The following ABLIM2 variants were observed in gnomAD, a reference collection of about 807,000 sequenced individuals.
ABLIM2 encodes actin-binding LIM protein 2.
In ABLIM2, 53 loss-of-function variants were observed where a neutral mutation model predicts 97.7. The observed-to-expected ratio is 0.54, with a 90% confidence interval of 0.44 to 0.68. ABLIM2 has a LOEUF of 0.68. Ranked by LOEUF, ABLIM2 falls within the 30% of genes least tolerant of loss-of-function variation. The pLI, the probability that ABLIM2 is intolerant of heterozygous loss-of-function variation, is 0.00. For missense variants in ABLIM2, 835 were observed against 867.2 expected, an observed-to-expected ratio of 0.96 and a Z score of 0.47; for synonymous variants, 361 against 345.8, an observed-to-expected ratio of 1.04 and a Z score of -0.49.
At chr4:7,980,149 C>T (rs553181382) in intron 20 of ABLIM2, among the ~76,000 whole-genome samples, 3 of 152,260 alleles carry the variant, frequency 2.0e-5, no homozygotes, top group East Asian at 1.9e-4. Flanking sequence ...TGAACCCCCC[C>T]TCTCTGCCAA....
Position 8,003,896 on chromosome 4 carries a change from C to T in ABLIM2, c.1618+4163G>A, listed in dbSNP as rs1283434002. Among the ~76,000 whole-genome samples the T allele has an allele frequency of 6.6e-6, 1 of 152,086 alleles. No homozygotes were observed. The highest frequency in any genetic ancestry group is 1.5e-5 in the Non-Finnish European group (1 of 68,020). On this transcript the variant is annotated intron_variant, in intron 16 of 20. Transcript: ENST00000447017. This position sits in a 1 kb window ranked among gnomAD's most constrained non-coding sequence, Gnocchi z 4.2. ...TTCCAGTTCTGATGTCTGCATATTC[C>T]ATACCTAGGGGGTCTCACGTCTCTA...
At chr4:8,106,687 CA>C in intron 1 of ABLIM2, 50 bp from the exon 2 acceptor site, 1 of 1,549,706 alleles carries the variant, frequency 6.5e-7, no homozygotes, top group East Asian at 2.3e-5. Flanking sequence ...GTGTGAGGCA[CA>C]AAGGTGAGCA....
At chr4:8,051,562 C>CAAAAAAAAAAA (rs36056609) in intron 8 of ABLIM2, among the ~76,000 whole-genome samples, 1 of 107,886 alleles carries the variant, frequency 9.3e-6, no homozygotes, top group Non-Finnish European at 1.8e-5. Context: ...GATTCCATCT[C>CAAAAAAAAAAA]AAAAAAAAAA....
In ABLIM2 at chr4:8,075,445, C is replaced by T. The variant is rs1815389894; in HGVS notation, c.675+2183G>A. Among the ~76,000 whole-genome samples, 1 of 152,152 alleles carries T rather than the reference C, an allele frequency of 6.6e-6. No homozygotes were observed. The highest frequency in any genetic ancestry group is 1.9e-4 in the East Asian group (1 of 5,186). On this transcript the variant is annotated intron_variant, in intron 6 of 20. Coordinates refer to ENST00000447017, the MANE Select transcript of ABLIM2 (RefSeq NM_001130083.2). The surrounding 1 kb of genome is among the most constrained non-coding windows in gnomAD (Gnocchi z 4.4). ...TGGTGACTCACACCTGTAATCCCAGCACTTTGGGCGGTGAAGGCAGGTGAA... is the reference window on the plus strand; with the variant it reads ...TGGTGACTCACACCTGTAATCCCAGTACTTTGGGCGGTGAAGGCAGGTGAA...
rs1810675775 is a variant in ABLIM2, at chr4:8,069,929, T to C, written c.675+7699A>G. On this transcript the variant is annotated intron_variant, in intron 6 of 20. Transcript: ENST00000447017. This position sits in a 1 kb window ranked among gnomAD's most constrained non-coding sequence, Gnocchi z 4.2. ...TGTGTGTCATGTGTTTCTTTCTGTG[T>C]GTTTATTTCCATGTGTGTTGTTTGT... Among the ~76,000 whole-genome samples the C allele has an allele frequency of 6.6e-6, 1 of 152,010 alleles. No individual in the cohort carries two copies. The highest frequency in any genetic ancestry group is 1.5e-5 in the Non-Finnish European group (1 of 67,992).
In ABLIM2 at chr4:8,029,659, G is replaced by T. The variant is rs1779621558; in HGVS notation, c.1165C>A (p.Pro389Thr). The change falls in exon 11 of 21, where the codon CCA becomes ACA. Residue 389 changes from proline to threonine, a missense_variant. Coordinates refer to ENST00000447017, the MANE Select transcript of ABLIM2 (RefSeq NM_001130083.2). ...TSRSPQHYSR[P>T]AGTVSVGTSS... The stretch of plus-strand genomic sequence containing the variant: ...GAGGAACCAGGGGGCCAAGTACCTG[G>T]ACGGCTGTAGTGCTGTGGTGACCGT... 2 of 1,537,100 alleles carry T rather than the reference G, an allele frequency of 1.3e-6. No individual in the cohort carries two copies. Among genetic ancestry groups the T allele is most frequent in the Non-Finnish European group, 8.8e-7 (1 of 1,137,526 alleles).
At chr4:8,030,100 C>A (rs1373433791) in intron 10 of ABLIM2, among the ~76,000 whole-genome samples, 1 of 152,176 alleles carries the variant, frequency 6.6e-6, no homozygotes, top group African/African-American at 2.4e-5. Context: ...CCTGCCTGAC[C>A]CTCGCCAGCG....
At chr4:8,078,901 C>A (rs553943910) in intron 5 of ABLIM2, among the ~76,000 whole-genome samples, 7 of 152,262 alleles carry the variant, frequency 4.6e-5, no homozygotes, top group Non-Finnish European at 8.8e-5. Flanking sequence ...CACTCCAATG[C>A]GCCCCTTCCA....
intron 7 of ABLIM2, among the ~76,000 whole-genome samples, chr4:8,057,462 T>C (rs998945560): frequency 6.6e-6 from 1 of 152,250 alleles, no homozygotes; most frequent in Non-Finnish European, 1.5e-5. Context: ...AACTGGCACA[T>C]ACTTCCTAGA....
chr4:8,077,496 G>A, intron 6 of ABLIM2, 132 bp downstream of exon 6: 3 of 885,064 alleles, frequency 3.4e-6, no homozygotes, highest in Non-Finnish European at 5.2e-6. Context: ...TGGCTGAGCT[G>A]GCAGGAATAG....
At chr4:8,089,877 C>T (rs541369470) in intron 3 of ABLIM2, among the ~76,000 whole-genome samples, 18 of 152,214 alleles carry the variant, frequency 1.2e-4, no homozygotes, top group Non-Finnish European at 2.2e-4. Flanking sequence ...TAGGGGGCCA[C>T]GCTTGGTCTA....
chr4:8,137,570 G>A (rs967781778), intron 1 of ABLIM2, among the ~76,000 whole-genome samples: 15 of 152,292 alleles, frequency 9.8e-5, no homozygotes, highest in Admixed American at 2.6e-4. Context: ...CAGCCTGGCC[G>A]GGCACAGGCG....
In ABLIM2 at chr4:8,033,867, G is replaced by C. The variant is rs997725479; in HGVS notation, c.1047+2282C>G. Among the ~76,000 whole-genome samples the C allele has an allele frequency of 2.0e-5, 3 of 152,186 alleles. No homozygotes were observed. The highest frequency in any genetic ancestry group is 2.0e-4 in the Admixed American group (3 of 15,286). ...GTCATACCATGAGACCCTGGAGCAG[G>C]ACAGGGAGAGATACCAGCCCACCCC... On this transcript the variant is annotated intron_variant, in intron 10 of 20. Transcript: ENST00000447017. The surrounding 1 kb of genome is among the most constrained non-coding windows in gnomAD (Gnocchi z 4.5).
rs1815323414 is a variant in ABLIM2 at position 8,075,319 on chromosome 4, G to A, written c.675+2309C>T. Among the ~76,000 whole-genome samples the A allele has an allele frequency of 6.6e-6, 1 of 152,156 alleles. No homozygotes were observed. Among genetic ancestry groups the A allele is most frequent in the African/African-American group, 2.4e-5 (1 of 41,432 alleles). On this transcript the variant is annotated intron_variant, in intron 6 of 20. Transcript: ENST00000447017. This position sits in a 1 kb window ranked among gnomAD's most constrained non-coding sequence, Gnocchi z 4.4. The stretch of plus-strand genomic sequence containing the variant: ...CGGGGAGTGACAGCTAAAAGGTATG[G>A]GGTTCTTTCTAAGGTGAGGAAACTG...
In ABLIM2 at chr4:8,085,503, C is replaced by G. The variant is rs1275204194; in HGVS notation, c.454+2666G>C. ...TCTGGGGGTGCCCACGCTGCAGTCC[C>G]GTCCACTCACACGGCTCTGGGGGTG... On this transcript the variant is annotated intron_variant, in intron 4 of 20. Transcript: ENST00000447017. This position sits in a 1 kb window ranked among gnomAD's most constrained non-coding sequence, Gnocchi z 6.1. 2.0e-5 allele frequency among the ~76,000 whole-genome samples: 3 copies of G among 150,792 alleles called. No homozygotes were observed. Among genetic ancestry groups the G allele is most frequent in the Non-Finnish European group, 4.4e-5 (3 of 67,600 alleles).
rs1850826167 is a variant in ABLIM2, at chr4:8,140,584, A to C, written c.10+18096T>G. On this transcript the variant is annotated intron_variant, in intron 1 of 20. Transcript: ENST00000447017. The surrounding 1 kb of genome is among the most constrained non-coding windows in gnomAD (Gnocchi z 5.9). ...GGCTTCAATGCCCCTTCAAAAACAA[A>C]CGCGCATTCTGTCTGTGATACCGTT... Among the ~76,000 whole-genome samples, 1 of 152,044 alleles carries C rather than the reference A, an allele frequency of 6.6e-6. No homozygotes were observed. The highest frequency in any genetic ancestry group is 1.5e-5 in the Non-Finnish European group (1 of 67,996).
At chr4:8,133,772 C>T (rs1280483980) in intron 1 of ABLIM2, among the ~76,000 whole-genome samples, 3 of 152,214 alleles carry the variant, frequency 2.0e-5, no homozygotes, top group Non-Finnish European at 4.4e-5. Flanking sequence ...CAGCGATTCC[C>T]AGAGCCCCCT....
rs1300990275 is a variant in ABLIM2 at position 8,046,253 on chromosome 4, C to T, written c.823-1012G>A. On this transcript the variant is annotated intron_variant, in intron 8 of 20. Transcript: ENST00000447017. The surrounding 1 kb of genome is among the most constrained non-coding windows in gnomAD (Gnocchi z 4.4). ...TCCCCCCACCTCAGCCCCCTCCAGC[C>T]CTGCGGACACACTCCTTCTGTGGTC... is the stretch of plus-strand genomic sequence containing the variant. 6.6e-6 allele frequency among the ~76,000 whole-genome samples: 1 copy of T among 152,134 alleles called. No individual in the cohort carries two copies. Among genetic ancestry groups the T allele is most frequent in the African/African-American group, 2.4e-5 (1 of 41,412 alleles).
At chr4:7,980,884 A>G (rs1737544146) in intron 20 of ABLIM2, among the ~76,000 whole-genome samples, 1 of 150,468 alleles carries the variant, frequency 6.6e-6, no homozygotes, top group Admixed American at 6.6e-5. Context: ...GCCTCTAAGG[A>G]AGGCCACCTA....
Sources: gnomAD v4.1 joint callset for allele counts (sites outside exome capture counted in the v4.1 genomes callset) on GRCh38, gnomAD v4.1.1 for gene constraint, Gnocchi (gnomAD v3.1) non-coding constraint, MANE v1.5 for transcripts, NCBI Gene and HGNC (gene_info 2026-07-23, HGNC 2026-07-21) for gene names.